The following AP3B1 variants were observed in gnomAD, a reference collection of about 807,000 sequenced individuals.
AP3B1 encodes adaptor related protein complex 3 subunit beta 1, also known as AP-3 complex subunit beta-1.
AP3B1 carries 61 observed loss-of-function variants against 132.5 expected under a neutral mutation model. That is an observed-to-expected ratio of 0.46 (90% confidence interval 0.37 to 0.57). The LOEUF (loss-of-function observed/expected upper bound fraction) is 0.57, where lower values mean the gene tolerates loss of function less well. AP3B1 is among the 20% of genes least tolerant of loss of function. AP3B1 has a pLI of 0.00. For synonymous variants in AP3B1, 388 were observed against 438.3 expected (o/e 0.89, Z 1.43); for missense variants, 1,120 against 1,289.4 (o/e 0.87, Z 2.01).
At chr5:78,230,613 T>C (rs1360896808) in intron 3 of AP3B1, among the ~76,000 whole-genome samples, 1 of 152,190 alleles carries the variant, frequency 6.6e-6, no homozygotes, top group African/African-American at 2.4e-5. Flanking sequence ...CTTGCACTCT[T>C]TATCTCAATC....
intron 13 of AP3B1, among the ~76,000 whole-genome samples, chr5:78,162,203 AAC>A (rs1190403062): frequency 6.6e-6 from 1 of 152,160 alleles, no homozygotes; most frequent in South Asian, 2.1e-4. Context: ...CCATAGAAAT[AAC>A]TGACGCTTTG....
At chr5:78,098,310 A>AT (rs1750984256) in intron 21 of AP3B1, among the ~76,000 whole-genome samples, 2 of 151,640 alleles carry the variant, frequency 1.3e-5, no homozygotes, top group South Asian at 4.1e-4. Flanking sequence ...AAAATAAAAA[A>AT]AAAAAGCTTG....
At chr5:78,116,313 C>A in intron 17 of AP3B1, 79 bp from the exon 18 acceptor site, 1 of 1,292,408 alleles carries the variant, frequency 7.7e-7, no homozygotes, top group Non-Finnish European at 1.1e-6. Context: ...TCATTAACAA[C>A]ATAACTGAAT....
chr5:78,159,194 AC>A (rs1184713221), intron 13 of AP3B1, among the ~76,000 whole-genome samples: 1 of 152,220 alleles, frequency 6.6e-6, no homozygotes, highest in Non-Finnish European at 1.5e-5. Flanking sequence ...TTTTTAAAAT[AC>A]ATTATTGCAA....
intron 13 of AP3B1, among the ~76,000 whole-genome samples, chr5:78,156,631 A>C (rs899105378): frequency 6.6e-6 from 1 of 152,182 alleles, no homozygotes; most frequent in Non-Finnish European, 1.5e-5. Context: ...CTTTAGATTA[A>C]GAAAGCAAAA....
intron 15 of AP3B1, among the ~76,000 whole-genome samples, chr5:78,140,143 T>C (rs1753084064): frequency 1.3e-5 from 2 of 152,164 alleles, no homozygotes; most frequent in South Asian, 4.1e-4. Context: ...CCCTATTTCG[T>C]ACATGGAAGC....
intron 17 of AP3B1, among the ~76,000 whole-genome samples, chr5:78,123,398 G>C (rs902139977): frequency 1.2e-4 from 19 of 152,130 alleles, no homozygotes; most frequent in African/African-American, 4.6e-4. Context: ...ACTACCATCA[G>C]AGTGAACAGG....
chr5:78,119,003 A>C (rs1356791013), intron 17 of AP3B1, among the ~76,000 whole-genome samples: 1 of 152,132 alleles, frequency 6.6e-6, no homozygotes, highest in Non-Finnish European at 1.5e-5. Flanking sequence ...AGGCAGCAGC[A>C]TTTGCAGTTC....
chr5:78,186,267 C>T (rs1373724057), intron 7 of AP3B1, among the ~76,000 whole-genome samples: 1 of 152,096 alleles, frequency 6.6e-6, no homozygotes, highest in Non-Finnish European at 1.5e-5. Flanking sequence ...ATAAAGTACA[C>T]TTCAGAGCAA....
intron 21 of AP3B1, among the ~76,000 whole-genome samples, chr5:78,090,628 T>C (rs184647634): frequency 6.6e-6 from 1 of 152,346 alleles, no homozygotes; most frequent in East Asian, 1.9e-4. Flanking sequence ...GTAATACAAA[T>C]TTGTGTCTTT....
At chr5:78,262,828 A>T (rs2112555642) in intron 2 of AP3B1, among the ~76,000 whole-genome samples, 1 of 151,864 alleles carries the variant, frequency 6.6e-6, no homozygotes, top group Middle Eastern at 3.4e-3. Flanking sequence ...ACAGGTAGTA[A>T]TTTTTTTCTT....
chr5:78,086,645 C>T (rs552638253), intron 22 of AP3B1, among the ~76,000 whole-genome samples: 31 of 152,210 alleles, frequency 2.0e-4, no homozygotes, highest in African/African-American at 7.2e-4. Context: ...GAGTGAAGGC[C>T]AGGAATGCTA....
At chr5:78,081,064 G>C (rs1248570668) in intron 22 of AP3B1, among the ~76,000 whole-genome samples, 1 of 152,024 alleles carries the variant, frequency 6.6e-6, no homozygotes, top group African/African-American at 2.4e-5. Flanking sequence ...GTTGATTCAG[G>C]GTACTCTTGA....
intron 15 of AP3B1, among the ~76,000 whole-genome samples, chr5:78,134,601 C>T (rs1016349352): frequency 5.3e-5 from 8 of 152,134 alleles, no homozygotes; most frequent in African/African-American, 9.7e-5. Flanking sequence ...AGTGCAATGG[C>T]GCGATCTCAG....
chr5:78,194,209 T>C (rs976362639), intron 7 of AP3B1, among the ~76,000 whole-genome samples: 1 of 152,208 alleles, frequency 6.6e-6, no homozygotes, highest in Non-Finnish European at 1.5e-5. Flanking sequence ...ATGAAGCCCT[T>C]ATTTTTAGTA....
At chr5:78,097,060 TTGGGGGGTC>T (rs1750855950) in intron 21 of AP3B1, among the ~76,000 whole-genome samples, 1 of 61,192 alleles carries the variant, frequency 1.6e-5, no homozygotes, top group Non-Finnish European at 3.1e-5. Flanking sequence ...GGGAGGGAGG[TTGGGGGGTC>T]AGCCCCCCGC....
chr5:78,069,620 A>T (rs1237725511), intron 22 of AP3B1, among the ~76,000 whole-genome samples: 1 of 152,198 alleles, frequency 6.6e-6, no homozygotes, highest in Non-Finnish European at 1.5e-5. Flanking sequence ...ACAAATGGAA[A>T]AACATTCCAT....
intron 7 of AP3B1, among the ~76,000 whole-genome samples, chr5:78,191,694 T>TA (rs1251377462): frequency 6.6e-6 from 1 of 152,072 alleles, no homozygotes; most frequent in African/African-American, 2.4e-5. Context: ...TCCAACAACT[T>TA]ATCAGAAAGG....
At chr5:78,175,969 T>C (rs1048839609) in intron 9 of AP3B1, 131 bp from the exon 10 acceptor site, 5 of 767,958 alleles carry the variant, frequency 6.5e-6, no homozygotes, top group African/African-American at 5.2e-5. Flanking sequence ...TAATGAAAAG[T>C]TTTTAGTAAA....
Sources: gnomAD v4.1 joint callset for allele counts (sites outside exome capture counted in the v4.1 genomes callset) on GRCh38, gnomAD v4.1.1 for gene constraint, MANE v1.5 for transcripts, NCBI Gene and HGNC (gene_info 2026-07-23, HGNC 2026-07-21) for gene names.